DGKB: variants seen among roughly 807,000 people sequenced by gnomAD.
DGKB encodes diacylglycerol kinase beta, also known as 90 kDa diacylglycerol kinase.
A neutral mutation model predicts 114.3 loss-of-function variants in DGKB; 67 were observed. The observed-to-expected ratio is 0.59, with a 90% confidence interval of 0.48 to 0.72. The LOEUF (loss-of-function observed/expected upper bound fraction) is 0.72, where lower values mean the gene tolerates loss of function less well. DGKB is among the 30% of genes least tolerant of loss of function. The probability of loss-of-function intolerance (pLI) is 0.00; values close to 1 mark genes in which losing one functional copy is unlikely to be tolerated. For synonymous variants in DGKB, 398 were observed against 323.1 expected, an observed-to-expected ratio of 1.23 and a Z score of -2.49; for missense variants, 907 against 975.2, an observed-to-expected ratio of 0.93 and a Z score of 0.93.
At chr7:14,659,728 T>C (rs1309650047) in intron 13 of DGKB, among the ~76,000 whole-genome samples, 1 of 147,032 alleles carries the variant, frequency 6.8e-6, no homozygotes, top group Non-Finnish European at 1.5e-5. Context: ...CTTTATTTCC[T>C]TCTCCTGCCT....
intron 20 of DGKB, among the ~76,000 whole-genome samples, chr7:14,565,750 T>A (rs768944976): frequency 3.1e-4 from 47 of 152,258 alleles, no homozygotes; most frequent in Middle Eastern, 3.4e-3. Flanking sequence ...TGGCTCTTAG[T>A]GTACTCATCT....
chr7:14,381,503 T>G lies in DGKB; in HGVS notation c.1836-36112A>C, dbSNP rs574811656. Among the ~76,000 whole-genome samples, 3 of 152,308 alleles carry G rather than the reference T, an allele frequency of 2.0e-5. No homozygotes were observed. The East Asian group carries it at 5.8e-4, about 29-fold the overall frequency. On this transcript the variant is annotated intron_variant, in intron 21 of 25. Transcript: ENST00000402815. ...TATTTTAGAGATGAGTAAATGACATTACAGGAGTAGAGTGATCTAACTAAT... is the reference window on the plus strand; with the variant it reads ...TATTTTAGAGATGAGTAAATGACATGACAGGAGTAGAGTGATCTAACTAAT...
chr7:14,594,206 G>C lies in DGKB; in HGVS notation c.1434-11069C>G, dbSNP rs1437001818. Reference sequence around the variant, plus strand: ...GTAAGTGTGTTTTTTACATTAGAAAGGGAGGGATTTAATTGAACTTAGTAT... The same window carrying C: ...GTAAGTGTGTTTTTTACATTAGAAACGGAGGGATTTAATTGAACTTAGTAT... On this transcript the variant is annotated intron_variant, in intron 17 of 25. Transcript: ENST00000402815. Among the ~76,000 whole-genome samples the C allele has an allele frequency of 3.9e-5, 6 of 152,132 alleles. No individual in the cohort carries two copies. The East Asian group carries it at 9.7e-4, about 25-fold the overall frequency.
At chr7:14,183,031 T>A (rs1046064082) in intron 23 of DGKB, among the ~76,000 whole-genome samples, 1 of 152,148 alleles carries the variant, frequency 6.6e-6, no homozygotes, top group Non-Finnish European at 1.5e-5. Flanking sequence ...CATTTTGAAA[T>A]CAACATAAAT....
chr7:14,247,000 T>C (rs1013164604), intron 23 of DGKB, among the ~76,000 whole-genome samples: 3 of 152,270 alleles, frequency 2.0e-5, no homozygotes, highest in South Asian at 2.1e-4. Context: ...CAACTGCTAG[T>C]CACTGGCAAT....
At chr7:14,498,774 A>G (rs942454874) in intron 20 of DGKB, among the ~76,000 whole-genome samples, 27 of 151,862 alleles carry the variant, frequency 1.8e-4, no homozygotes, top group Non-Finnish European at 2.1e-4. Context: ...CAGAATAACA[A>G]TGTCAAAATT....
chr7:14,241,937 G>GAT (rs10547553), intron 23 of DGKB, among the ~76,000 whole-genome samples: 1 of 139,198 alleles, frequency 7.2e-6, no homozygotes, highest in Non-Finnish European at 1.5e-5. Context: ...CACACATATA[G>GAT]ATATATACAC....
chr7:14,880,991 A>G (rs1381392488), intron 1 of DGKB, among the ~76,000 whole-genome samples: 1 of 152,200 alleles, frequency 6.6e-6, no homozygotes, highest in Non-Finnish European at 1.5e-5. Context: ...ATAAATAAAT[A>G]ACAATGAGGC....
chr7:14,608,866 G>A (rs946126796), intron 16 of DGKB, among the ~76,000 whole-genome samples: 11 of 151,826 alleles, frequency 7.2e-5, no homozygotes, highest in Admixed American at 6.6e-5. Flanking sequence ...TAAGGAAGGA[G>A]GTGAAAGTGC....
intron 20 of DGKB, among the ~76,000 whole-genome samples, chr7:14,571,838 C>G (rs932408977): frequency 2.0e-5 from 3 of 152,148 alleles, no homozygotes; most frequent in Admixed American, 6.5e-5. Context: ...CATTTTGACA[C>G]AGGGGTGATC....
intron 23 of DGKB, among the ~76,000 whole-genome samples, chr7:14,283,882 T>A (rs578073664): frequency 0.054 from 8,158 of 151,874 alleles, 705 homozygotes; most frequent in African/African-American, 0.19. Context: ...ATTAAAGACT[T>A]AAACGTTAGA....
chr7:14,619,343 G>A (rs1443662488), intron 15 of DGKB, among the ~76,000 whole-genome samples: 1 of 151,498 alleles, frequency 6.6e-6, no homozygotes, highest in African/African-American at 2.4e-5. Flanking sequence ...TTTTTAATGT[G>A]ACTAATTTAG....
chr7:14,522,058 A>T, intron 20 of DGKB, among the ~76,000 whole-genome samples: 1 of 152,048 alleles, frequency 6.6e-6, no homozygotes, highest in East Asian at 1.9e-4. Flanking sequence ...AGGGTGTGGT[A>T]GTGTGTTGCT....
At chr7:14,698,300 G>A (rs2129005050) in intron 7 of DGKB, 131 bp from the exon 8 acceptor site, 2 of 561,262 alleles carry the variant, frequency 3.6e-6, no homozygotes, top group East Asian at 3.6e-5. Context: ...ATATATATAT[G>A]TACATAATCC....
chr7:14,753,734 G>A (rs1030742990), intron 4 of DGKB, among the ~76,000 whole-genome samples, 194 bp downstream of exon 4: 15 of 152,038 alleles, frequency 9.9e-5, no homozygotes, highest in Admixed American at 3.9e-4. Flanking sequence ...ATTAAGGCAC[G>A]AAATCCTTTG....
At chr7:14,278,894 G>C (rs1267725006) in intron 23 of DGKB, among the ~76,000 whole-genome samples, 1 of 152,204 alleles carries the variant, frequency 6.6e-6, no homozygotes, top group African/African-American at 2.4e-5. Context: ...CGGCCGAATA[G>C]GAACAGCTCA....
chr7:14,296,284 C>T (rs563217919), intron 23 of DGKB, among the ~76,000 whole-genome samples: 23 of 151,982 alleles, frequency 1.5e-4, no homozygotes, highest in Non-Finnish European at 3.2e-4. Context: ...CCCACCTCAG[C>T]CTCCCAAAGT....
At chr7:14,804,802 T>G (rs974904855) in intron 2 of DGKB, among the ~76,000 whole-genome samples, 1 of 152,134 alleles carries the variant, frequency 6.6e-6, no homozygotes, top group African/African-American at 2.4e-5. Context: ...TCCCATCTAA[T>G]GAGGTTACAG....
At chr7:14,644,328 A>G (rs562864070) in intron 13 of DGKB, among the ~76,000 whole-genome samples, 4 of 152,224 alleles carry the variant, frequency 2.6e-5, no homozygotes, top group Non-Finnish European at 5.9e-5. Flanking sequence ...CCAATAAAAC[A>G]TAACACCTCT....
Sources: allele counts gnomAD v4.1 joint callset (sites outside exome capture counted in the v4.1 genomes callset), GRCh38; gene constraint gnomAD v4.1.1; transcripts MANE v1.5; gene names NCBI Gene and HGNC (gene_info 2026-07-23, HGNC 2026-07-21).